Variants in MALRD1 observed in about 807,000 individuals in gnomAD.
MALRD1 encodes MAM and LDL receptor class A domain containing 1.
In MALRD1, 247 loss-of-function variants were observed where a neutral mutation model predicts 242.1. The observed-to-expected ratio is 1.02, with a 90% CI of 0.92 to 1.13. MALRD1 has a LOEUF of 1.13. Among genes scored for constraint, MALRD1 ranks in the 50% most tolerant of loss-of-function variants. The probability of loss-of-function intolerance (pLI) is 0.00; values close to 1 mark genes in which losing one functional copy is unlikely to be tolerated. For missense variants in MALRD1, 2,989 were observed against 2,533.1 expected (o/e 1.18, Z -3.86); for synonymous variants, 995 against 866.6 (o/e 1.15, Z -2.60).
intron 7 of MALRD1, among the ~76,000 whole-genome samples, chr10:19,127,232 G>C (rs916096219): frequency 6.6e-6 from 1 of 152,088 alleles, no homozygotes; most frequent in Non-Finnish European, 1.5e-5. Flanking sequence ...AAGATTAATA[G>C]ACTTTACTTT....
intron 29 of MALRD1, among the ~76,000 whole-genome samples, chr10:19,460,495 A>G (rs1835887597): frequency 6.6e-6 from 1 of 152,016 alleles, no homozygotes; most frequent in East Asian, 1.9e-4. Context: ...GAAAAACCTC[A>G]TGTTTTGAAT....
intron 18 of MALRD1, among the ~76,000 whole-genome samples, chr10:19,219,672 C>T (rs1366720882): frequency 6.6e-6 from 1 of 152,164 alleles, no homozygotes; most frequent in East Asian, 1.9e-4. Context: ...GATCTTCTCA[C>T]CTTGGCCTCC....
At chr10:19,365,659 TAAAAA>T (rs199989681) in intron 26 of MALRD1, among the ~76,000 whole-genome samples, 9 of 122,874 alleles carry the variant, frequency 7.3e-5, no homozygotes, top group African/African-American at 2.6e-4. Context: ...TTATAAATTC[TAAAAA>T]AAAAAAAAAA....
intron 21 of MALRD1, among the ~76,000 whole-genome samples, chr10:19,317,837 A>C (rs1195150250): frequency 6.6e-6 from 1 of 152,064 alleles, no homozygotes; most frequent in Non-Finnish European, 1.5e-5. Flanking sequence ...AATAGCATGG[A>C]CTATAAATCA....
intron 36 of MALRD1, among the ~76,000 whole-genome samples, chr10:19,620,905 A>T (rs74119703): frequency 0.014 from 2,067 of 151,942 alleles, 34 homozygotes; most frequent in African/African-American, 0.047. Flanking sequence ...GGGATTTTCT[A>T]TGTGTGCAAC....
chr10:19,620,945 T>C (rs1839373567), intron 36 of MALRD1, among the ~76,000 whole-genome samples: 1 of 151,592 alleles, frequency 6.6e-6, no homozygotes, highest in Non-Finnish European at 1.5e-5. Context: ...TATGATGTGT[T>C]CATCATACTA....
chr10:19,094,942 A>C (rs1012984930), intron 4 of MALRD1, among the ~76,000 whole-genome samples: 2 of 152,220 alleles, frequency 1.3e-5, no homozygotes, highest in African/African-American at 2.4e-5. Context: ...CATTTGGGAC[A>C]ATCAAACAAA....
intron 21 of MALRD1, among the ~76,000 whole-genome samples, chr10:19,310,548 A>G (rs543048146): frequency 6.6e-6 from 1 of 151,608 alleles, no homozygotes; most frequent in Admixed American, 6.6e-5. Flanking sequence ...GAGATAATCC[A>G]TCTTAGTTTT....
At chr10:19,722,144 CAG>C (rs1259574681) in intron 38 of MALRD1, 1 of 152,180 alleles carries the variant, frequency 6.6e-6, no homozygotes, top group African/African-American at 2.4e-5. Flanking sequence ...GGTGCTGTGA[CAG>C]AGAGATGAGG....
chr10:19,351,142 T>C (rs993992397), intron 25 of MALRD1, among the ~76,000 whole-genome samples: 11 of 152,216 alleles, frequency 7.2e-5, no homozygotes, highest in African/African-American at 2.7e-4. Flanking sequence ...GAGTATGATA[T>C]ATGTGACTGC....
At chr10:19,645,235 C>T (rs1192036204) in intron 36 of MALRD1, among the ~76,000 whole-genome samples, 1 of 152,060 alleles carries the variant, frequency 6.6e-6, no homozygotes, top group East Asian at 1.9e-4. Flanking sequence ...ACAACAGGTG[C>T]TGGAGAGGAT....
intron 31 of MALRD1, among the ~76,000 whole-genome samples, chr10:19,526,999 A>G (rs1233902002): frequency 1.3e-5 from 2 of 152,176 alleles, no homozygotes; most frequent in African/African-American, 2.4e-5. Flanking sequence ...CCCAAAAGAC[A>G]CACACCCCAT....
At chr10:19,251,587 T>A (rs1394256388) in intron 18 of MALRD1, among the ~76,000 whole-genome samples, 6 of 152,004 alleles carry the variant, frequency 3.9e-5, no homozygotes, top group Non-Finnish European at 1.5e-5. Flanking sequence ...TGTATATATA[T>A]GAAATAGTGG....
intron 26 of MALRD1, among the ~76,000 whole-genome samples, chr10:19,379,883 C>T (rs1845761575): frequency 6.6e-6 from 1 of 151,844 alleles, no homozygotes. Flanking sequence ...TCCAAATAAC[C>T]TTGCAGTTTT....
intron 29 of MALRD1, 59 bp from the exon 30 acceptor site, chr10:19,491,458 C>T: frequency 6.6e-7 from 1 of 1,523,160 alleles, no homozygotes. Context: ...TAACAGGAAT[C>T]TTCAAGTCTA....
intron 32 of MALRD1, among the ~76,000 whole-genome samples, chr10:19,534,122 C>A (rs112484486): frequency 1.8e-4 from 27 of 152,266 alleles, no homozygotes; most frequent in African/African-American, 5.5e-4. Flanking sequence ...AACCCTCAAT[C>A]CCAGTTTTTC....
At chr10:19,699,203 T>TATAATA (rs149007944) in intron 38 of MALRD1, among the ~76,000 whole-genome samples, 3,804 of 147,262 alleles carry the variant, frequency 0.026, 88 homozygotes, top group East Asian at 0.097. Flanking sequence ...GAACTTAAAG[T>TATAATA]ATAATAATAA....
At chr10:19,279,388 G>A (rs558247998) in intron 19 of MALRD1, among the ~76,000 whole-genome samples, 1 of 152,238 alleles carries the variant, frequency 6.6e-6, no homozygotes, top group South Asian at 2.1e-4. Context: ...ATTTAGTTCA[G>A]GTTTAATATT....
chr10:19,627,147 C>G (rs74119711), intron 36 of MALRD1, among the ~76,000 whole-genome samples: 3,391 of 151,962 alleles, frequency 0.022, 143 homozygotes, highest in African/African-American at 0.078. Flanking sequence ...AATTGGTTAG[C>G]CATTAATTTA....
Sources: gnomAD v4.1 joint callset for allele counts (sites outside exome capture counted in the v4.1 genomes callset) on GRCh38, gnomAD v4.1.1 for gene constraint, MANE v1.5 for transcripts, NCBI Gene and HGNC (gene_info 2026-07-23, HGNC 2026-07-21) for gene names.